The following TENM3 variants were observed in gnomAD, a reference collection of about 807,000 sequenced individuals.
The protein encoded by TENM3 is teneurin transmembrane protein 3, also known as teneurin-3.
A neutral mutation model predicts 255.1 loss-of-function variants in TENM3; 63 were observed. That is an observed-to-expected ratio of 0.25 (90% confidence interval 0.20 to 0.30). The LOEUF (loss-of-function observed/expected upper bound fraction) is 0.30, where lower values mean the gene tolerates loss of function less well. TENM3 is among the 10% of genes least tolerant of loss of function. The probability of loss-of-function intolerance (pLI) is 1.00; values close to 1 mark genes in which losing one functional copy is unlikely to be tolerated. For synonymous variants in TENM3, 1,306 were observed against 1,322.3 expected (o/e 0.99, Z 0.27); for missense variants, 2,929 against 3,461.1 (o/e 0.85, Z 3.86).
chr4:182,330,066 G>GA (rs146468595), intron 2 of TENM3, among the ~76,000 whole-genome samples: 12,696 of 148,308 alleles, frequency 0.086, 564 homozygotes, highest in African/African-American at 0.12. Flanking sequence ...CCTACTGAGA[G>GA]AAAAAAAAAA....
intron 3 of TENM3, among the ~76,000 whole-genome samples, chr4:182,558,555 GGAAGTA>G (rs1443990717): frequency 6.6e-6 from 1 of 152,176 alleles, no homozygotes; most frequent in Admixed American, 6.6e-5. Flanking sequence ...TGGAGTAAGA[GGAAGTA>G]GATTGGGGAT....
At chr4:182,740,860 C>CA (rs201483939) in intron 18 of TENM3, among the ~76,000 whole-genome samples, 13 of 151,170 alleles carry the variant, frequency 8.6e-5, no homozygotes, top group Admixed American at 6.6e-4. Context: ...ATGCTGTCCT[C>CA]AAAAAAAAAT....
intron 4 of TENM3, among the ~76,000 whole-genome samples, chr4:182,610,213 T>C (rs1364974620): frequency 6.6e-6 from 1 of 152,208 alleles, no homozygotes; most frequent in African/African-American, 2.4e-5. Flanking sequence ...GAGATAGTGG[T>C]GTCTTAGAGA....
At chr4:181,474,141 T>TCA in the TENM3 span, among the ~76,000 whole-genome samples, 6 of 151,652 alleles carry the variant, frequency 4.0e-5, no homozygotes, top group African/African-American at 7.3e-5. Context: ...GAAGGGAACA[T>TCA]CACACACACA....
At chr4:181,917,663 C>T in the TENM3 span, among the ~76,000 whole-genome samples, 315 of 127,328 alleles carry the variant, frequency 2.5e-3, no homozygotes, top group Middle Eastern at 0.017. Context: ...TTTTTTTTTT[C>T]TTTTTTTTTT....
At chr4:182,721,762 A>G (rs570897112) in intron 13 of TENM3, among the ~76,000 whole-genome samples, 3 of 152,200 alleles carry the variant, frequency 2.0e-5, no homozygotes, top group South Asian at 4.1e-4. Flanking sequence ...AAAATGAAAA[A>G]TATCAATTTT....
chr4:182,241,461 A>ATT (rs112128988), upstream of TENM3, among the ~76,000 whole-genome samples: 4 of 145,934 alleles, frequency 2.7e-5, no homozygotes, highest in African/African-American at 1.0e-4. Context: ...GGCTCCATTA[A>ATT]TTTTTTTCCA....
intron 3 of TENM3, among the ~76,000 whole-genome samples, chr4:182,531,741 G>A (rs1739796081): frequency 6.6e-6 from 1 of 152,156 alleles, no homozygotes. Flanking sequence ...AGGGAAGCTC[G>A]TAAGAGACTC....
intron 3 of TENM3, among the ~76,000 whole-genome samples, chr4:182,591,175 G>A (rs555963283): frequency 6.6e-6 from 1 of 152,150 alleles, no homozygotes; most frequent in South Asian, 2.1e-4. Flanking sequence ...ATATAGCAAG[G>A]AAGTTGGCAG....
In TENM3 at chr4:182,729,064, G is replaced by A. The variant is rs1313648804; in HGVS notation, c.2468G>A (p.Ser823Asn). 6.2e-7 allele frequency: 1 copy of A among 1,613,966 alleles called. No homozygotes were observed. The highest frequency in any genetic ancestry group is 1.7e-5 in the Admixed American group (1 of 60,022). ...RGLPDPQDII[S>N]QSLQSPSQQA... ...CTGCCGGATCCTCAGGACATCATTA[G>A]CCAAAGCCTTCAATCGCCTTCTCAG... is the stretch of plus-strand genomic sequence containing the variant. The change falls in exon 14 of 28, where the codon AGC (serine) becomes AAC (asparagine). Residue 823 changes from serine to asparagine, a missense_variant. Ser to Asn is a conservative substitution (Grantham distance 46). Coordinates refer to ENST00000511685, the MANE Select transcript of TENM3 (RefSeq NM_001080477.4).
At chr4:181,933,276 T>C in the TENM3 span, among the ~76,000 whole-genome samples, 1 of 152,156 alleles carries the variant, frequency 6.6e-6, no homozygotes, top group African/African-American at 2.4e-5. Flanking sequence ...TATATTTTCT[T>C]GCAGTTATCA....
the TENM3 span, among the ~76,000 whole-genome samples, chr4:181,886,020 C>A: frequency 4.7e-5 from 7 of 148,796 alleles, no homozygotes; most frequent in African/African-American, 1.5e-4. Context: ...TTTTCTCCTA[C>A]GAGTTTTTTC....
In TENM3 at chr4:182,559,127, A is replaced by ATT. The variant is rs70956518; in HGVS notation, c.512-41774_512-41773dup. ...CTTTCTTTTCTCTTTATTCCTCGGG[A>ATT]TTTTTTTTTTTTTTTTTTTTTTTTG... On this transcript the variant is annotated intron_variant, in intron 3 of 27. Coordinates refer to ENST00000511685, the MANE Select transcript of TENM3 (RefSeq NM_001080477.4). Among the ~76,000 whole-genome samples the ATT allele has an allele frequency of 1.8e-3, 191 of 107,472 alleles. 2 individuals carry two copies. Among genetic ancestry groups the ATT allele is most frequent in the African/African-American group, 5.4e-3 (141 of 26,074 alleles). 70.5% of individuals were successfully genotyped at this position (107,472 alleles called of 152,430 possible).
the TENM3 span, among the ~76,000 whole-genome samples, chr4:181,691,241 G>T: frequency 1.7e-4 from 25 of 151,394 alleles, no homozygotes; most frequent in African/African-American, 6.0e-4. Context: ...GATCTTGTGT[G>T]TGTGTGTGTG....
At chr4:182,455,393 G>A (rs1265262841) in intron 3 of TENM3, among the ~76,000 whole-genome samples, 1 of 151,802 alleles carries the variant, frequency 6.6e-6, no homozygotes, top group Non-Finnish European at 1.5e-5. Context: ...CGTCACAGTT[G>A]TCATTCTGAG....
the TENM3 span, among the ~76,000 whole-genome samples, chr4:181,932,334 C>T: frequency 6.6e-6 from 1 of 151,968 alleles, no homozygotes; most frequent in Non-Finnish European, 1.5e-5. Context: ...AAAAAACAAC[C>T]CCATCAAAAA....
chr4:182,080,345 T>A, the TENM3 span, among the ~76,000 whole-genome samples: 1 of 152,172 alleles, frequency 6.6e-6, no homozygotes, highest in African/African-American at 2.4e-5. Context: ...CATTGGAAGA[T>A]ATTCATGAGA....
chr4:181,960,423 A>G, the TENM3 span, among the ~76,000 whole-genome samples: 6 of 152,210 alleles, frequency 3.9e-5, no homozygotes, highest in African/African-American at 1.4e-4. Flanking sequence ...TACACATATA[A>G]TACCAGCCAG....
the TENM3 span, among the ~76,000 whole-genome samples, chr4:182,110,363 C>T: frequency 6.6e-6 from 1 of 151,844 alleles, no homozygotes; most frequent in Non-Finnish European, 1.5e-5. Context: ...CTCGCTCTGT[C>T]ACCCAGGCTG....
Sources: allele counts gnomAD v4.1 joint callset (sites outside exome capture counted in the v4.1 genomes callset), GRCh38; gene constraint gnomAD v4.1.1; transcripts MANE v1.5; gene names NCBI Gene and HGNC (gene_info 2026-07-23, HGNC 2026-07-21).